Variants in CACNA1B observed in about 807,000 individuals in gnomAD.
CACNA1B encodes the protein voltage-dependent N-type calcium channel subunit alpha-1B.
In CACNA1B, 70 loss-of-function variants were observed where a neutral mutation model predicts 247.2. The observed-to-expected ratio is 0.28, with a 90% CI of 0.23 to 0.35. The LOEUF (loss-of-function observed/expected upper bound fraction) is 0.35. Ranked by LOEUF, CACNA1B falls within the 10% of genes least tolerant of loss-of-function variation. The pLI, the probability that CACNA1B is intolerant of heterozygous loss-of-function variation, is 1.00. For synonymous variants in CACNA1B, 1,231 were observed against 1,294.4 expected, an observed-to-expected ratio of 0.95 and a Z score of 1.05; for missense variants, 2,367 against 3,197.4, an observed-to-expected ratio of 0.74 and a Z score of 6.26.
chr9:137,920,060 C>T (rs1411108450), intron 6 of CACNA1B, among the ~76,000 whole-genome samples: 1 of 152,156 alleles, frequency 6.6e-6, no homozygotes, highest in East Asian at 1.9e-4. Context: ...TGTGATAGTG[C>T]TGGGTACAGG....
chr9:138,115,439 C>A, intron 41 of CACNA1B, 113 bp from the exon 42 acceptor site: 2 of 1,133,632 alleles, frequency 1.8e-6, no homozygotes, highest in Non-Finnish European at 2.5e-6. Flanking sequence ...AGCCCTTAGG[C>A]TGGGCTTGAA....
Position 137,880,903 on chromosome 9 carries a change from C to A in CACNA1B, c.390+1744C>A, listed in dbSNP as rs1956908346. ...TGCCTCTCGGGGCTGTTTCCCACCT[C>A]CCCGTCGACTCTGGAGCTACCTCGA... On this transcript the variant is annotated intron_variant, in intron 2 of 46. Coordinates refer to ENST00000371372, the MANE Select transcript of CACNA1B (RefSeq NM_000718.4). The surrounding 1 kb of genome is among the most constrained non-coding windows in gnomAD (Gnocchi z 4.8). Among the ~76,000 whole-genome samples, 1 of 152,148 alleles carries A rather than the reference C, an allele frequency of 6.6e-6. No individual in the cohort carries two copies. Among genetic ancestry groups the A allele is most frequent in the African/African-American group, 2.4e-5 (1 of 41,442 alleles).
rs1440887333 is a variant in CACNA1B, at chr9:137,954,879, T to TGTGTGTGTGTGTGA, written c.1071-818_1071-817insTGTGTGTGTGTGAG. Among the ~76,000 whole-genome samples, 14 of 145,284 alleles carry TGTGTGTGTGTGTGA rather than the reference T, an allele frequency of 9.6e-5. No homozygotes were observed. The highest frequency in any genetic ancestry group is 2.8e-4 in the African/African-American group (11 of 38,730). On this transcript the variant is annotated intron_variant, in intron 7 of 46. Transcript: ENST00000371372. This position sits in a 1 kb window ranked among gnomAD's most constrained non-coding sequence, Gnocchi z 4.1. ...GCTTGTGTGTGTGTGTGTGTGTGTG[T>TGTGTGTGTGTGTGA]GAGAGAGAGAGAGAGAGAGAGAGGG...
At chr9:138,063,518 A>G (rs1179132415) in intron 31 of CACNA1B, among the ~76,000 whole-genome samples, 1 of 152,178 alleles carries the variant, frequency 6.6e-6, no homozygotes, top group Non-Finnish European at 1.5e-5. Context: ...AAGAATTCCA[A>G]ATGATTAAGA....
At chr9:137,926,260 G>A (rs1258217400) in intron 6 of CACNA1B, among the ~76,000 whole-genome samples, 2 of 151,746 alleles carry the variant, frequency 1.3e-5, no homozygotes, top group Non-Finnish European at 2.9e-5. Flanking sequence ...AGTAGAGATG[G>A]GGTTTCACTA....
rs371616434 is a variant in CACNA1B, at chr9:138,095,745, G to A, written c.5095-739G>A. Among the ~76,000 whole-genome samples the A allele has an allele frequency of 3.4e-4, 52 of 152,310 alleles. No individual in the cohort carries two copies. The East Asian group carries it at 0.01, about 29-fold the overall frequency. On this transcript the variant is annotated intron_variant, in intron 36 of 46. Coordinates refer to ENST00000371372, the MANE Select transcript of CACNA1B (RefSeq NM_000718.4). The stretch of plus-strand genomic sequence containing the variant: ...ATGCCTATCAGTGAATGAATGTGGT[G>A]TATTACCACTGGAATGTTATTCAGC...
intron 6 of CACNA1B, among the ~76,000 whole-genome samples, chr9:137,948,953 G>A (rs1010558431): frequency 7.0e-6 from 1 of 142,316 alleles, no homozygotes; most frequent in African/African-American, 2.6e-5. Context: ...GGTCTGTGTG[G>A]CATGCATGTG....
intron 3 of CACNA1B, among the ~76,000 whole-genome samples, chr9:137,904,523 C>A (rs553613624): frequency 1.4e-4 from 21 of 151,898 alleles, no homozygotes; most frequent in Admixed American, 1.1e-3. Flanking sequence ...TGCCACCATG[C>A]CTGGCTAATT....
chr9:138,064,355 T>G (rs894732387), intron 31 of CACNA1B, among the ~76,000 whole-genome samples: 2 of 152,164 alleles, frequency 1.3e-5, no homozygotes, highest in Non-Finnish European at 2.9e-5. Flanking sequence ...TGTTGTAGGA[T>G]TCTTCTGCAA....
rs887096688 is a variant in CACNA1B, at chr9:138,057,028, C to T, written c.3969-704C>T. Among the ~76,000 whole-genome samples the T allele has an allele frequency of 3.3e-5, 5 of 150,686 alleles. No individual in the cohort carries two copies. The highest frequency in any genetic ancestry group is 9.8e-5 in the African/African-American group (4 of 40,958). ...TCGGCTCACTGCAGGCTCCACCTCC[C>T]GGGTTCACGCCATTCTCCTGCCTCA... On this transcript the variant is annotated intron_variant, in intron 26 of 46. Transcript: ENST00000371372. This position sits in a 1 kb window ranked among gnomAD's most constrained non-coding sequence, Gnocchi z 4.0.
At position 138,029,224 on chromosome 9, in the gene CACNA1B, G is replaced by T. The variant is rs546857742; in HGVS notation, c.3286+4052G>T. Among the ~76,000 whole-genome samples, 110 of 152,308 alleles carry T rather than the reference G, an allele frequency of 7.2e-4. 1 individual carries two copies. The highest frequency in any genetic ancestry group is 1.4e-3 in the Non-Finnish European group (94 of 68,034). ...GAAATACTATCCAAGGATATATTCT[G>T]TAGGATATTCCCGTTATTGGTTCAT... On this transcript the variant is annotated intron_variant, in intron 20 of 46. Transcript: ENST00000371372.
intron 15 of CACNA1B, among the ~76,000 whole-genome samples, chr9:137,997,725 T>C (rs1384355473): frequency 6.6e-6 from 1 of 152,234 alleles, no homozygotes; most frequent in Non-Finnish European, 1.5e-5. Flanking sequence ...GTTGGTGGGT[T>C]GGTAGAACCA....
rs992871479 is a variant in CACNA1B, at chr9:138,072,252, C to T, written c.4675-1236C>T. Among the ~76,000 whole-genome samples, 4 of 152,192 alleles carry T rather than the reference C, an allele frequency of 2.6e-5. No individual in the cohort carries two copies. Among genetic ancestry groups the T allele is most frequent in the Admixed American group, 6.5e-5 (1 of 15,282 alleles). On this transcript the variant is annotated intron_variant, in intron 32 of 46. Coordinates refer to ENST00000371372, the MANE Select transcript of CACNA1B (RefSeq NM_000718.4). The surrounding 1 kb of genome is among the most constrained non-coding windows in gnomAD (Gnocchi z 4.5). ...GAGAGCCAGTACCTCGAGTTGAATC[C>T]TCAGCCACCCTGCCCCTGCCAGTGG...
Position 138,121,615 on chromosome 9 carries a change from C to G in CACNA1B, c.6636C>G (p.His2212Gln). 6.2e-7 allele frequency: 1 copy of G among 1,613,216 alleles called. No homozygotes were observed. Among genetic ancestry groups the G allele is most frequent in the Non-Finnish European group, 8.5e-7 (1 of 1,179,510 alleles). Residue 2212 changes from histidine to glutamine, a missense_variant, in exon 47 of 47, where the codon CAC (histidine) becomes CAG (glutamine). Physicochemically the swap from His to Gln is conservative, Grantham distance 24. Around this residue, in one of 12 missense-constraint regions of CACNA1B, gnomAD observed 773 missense variants for 779.4 expected, o/e 0.99. Transcript: ENST00000371372. This position sits in a 1 kb window ranked among gnomAD's most constrained non-coding sequence, Gnocchi z 6.8. ...TYKTANSSPI[H>Q]FAGAQTSLPA... is the part of the protein sequence containing the mutation. ...AGACGGCCAACTCCTCACCCATCCA[C>G]TTCGCCGGGGCTCAGACCAGCCTCC... is the stretch of plus-strand genomic sequence containing the variant.
chr9:137,927,095 G>T (rs1434939831), intron 6 of CACNA1B, among the ~76,000 whole-genome samples: 1 of 152,178 alleles, frequency 6.6e-6, no homozygotes, highest in Non-Finnish European at 1.5e-5. Context: ...TCATATCCAA[G>T]AAGTCGCTGT....
At chr9:137,905,660 G>T (rs528559139) in intron 3 of CACNA1B, among the ~76,000 whole-genome samples, 3 of 152,154 alleles carry the variant, frequency 2.0e-5, no homozygotes, top group Admixed American at 2.0e-4. Flanking sequence ...CAGTTCCATT[G>T]TATATTTTAA....
chr9:137,960,206 GGGAGGGAAGGTCGGCC>G (rs1306858688), intron 10 of CACNA1B, among the ~76,000 whole-genome samples: 1 of 148,732 alleles, frequency 6.7e-6, no homozygotes, highest in Non-Finnish European at 1.5e-5. Context: ...GAGGGGGAGG[GGGAGGGAAGGTCGGCC>G]GGAGGGAAGC....
intron 31 of CACNA1B, among the ~76,000 whole-genome samples, chr9:138,066,341 G>A (rs927878823): frequency 6.6e-6 from 1 of 152,236 alleles, no homozygotes; most frequent in Non-Finnish European, 1.5e-5. Context: ...CAGAACTTTG[G>A]GAGGCTGAGG....
chr9:138,067,444 T>C (rs1280241580), intron 31 of CACNA1B, among the ~76,000 whole-genome samples: 2 of 152,262 alleles, frequency 1.3e-5, no homozygotes, highest in South Asian at 4.1e-4. Flanking sequence ...CCCAGGCCTA[T>C]AATCCTAGCA....
Sources: allele counts gnomAD v4.1 joint callset (sites outside exome capture counted in the v4.1 genomes callset), GRCh38; gene constraint gnomAD v4.1.1; regional missense constraint gnomAD v4.1.1; non-coding constraint Gnocchi (gnomAD v3.1); transcripts MANE v1.5; gene names NCBI Gene and HGNC (gene_info 2026-07-23, HGNC 2026-07-21).